ALK: variants seen among roughly 807,000 people sequenced by gnomAD.
ALK encodes the protein ALK tyrosine kinase receptor.
Under a neutral mutation model 163.1 loss-of-function variants are expected in ALK, and 74 were observed. The observed-to-expected ratio is 0.45, with a 90% confidence interval of 0.38 to 0.55. The LOEUF (loss-of-function observed/expected upper bound fraction) is 0.55. Ranked by LOEUF, ALK falls within the 20% of genes least tolerant of loss-of-function variation. The pLI is 0.00. For synonymous variants in ALK, 960 were observed against 843.2 expected (o/e 1.14, Z -2.40); for missense variants, 2,063 against 2,105.3 (o/e 0.98, Z 0.39).
At chr2:29,788,772 A>G (rs532661034) in intron 1 of ALK, among the ~76,000 whole-genome samples, 1 of 152,334 alleles carries the variant, frequency 6.6e-6, no homozygotes, top group South Asian at 2.1e-4. Context: ...GGGCTAAGGA[A>G]CAAGAGCCAA....
At chr2:29,305,977 G>A (rs9309667) in intron 8 of ALK, among the ~76,000 whole-genome samples, 7,311 of 152,100 alleles carry the variant, frequency 0.048, 395 homozygotes, top group African/African-American at 0.12. Context: ...TGGCAGTAAC[G>A]CGAGGGATGG....
intron 9 of ALK, among the ~76,000 whole-genome samples, chr2:29,295,994 C>T (rs775794577): frequency 6.6e-6 from 1 of 152,202 alleles, no homozygotes; most frequent in Non-Finnish European, 1.5e-5. Context: ...ATGAGTGCTG[C>T]CATGCAGGGC....
At chr2:29,711,918 T>C (rs1424917823) in intron 2 of ALK, among the ~76,000 whole-genome samples, 1 of 152,190 alleles carries the variant, frequency 6.6e-6, no homozygotes, top group African/African-American at 2.4e-5. Context: ...TTCTCACCTT[T>C]GTGTCACATG....
chr2:29,369,712 AGT>A (rs1201324985), intron 5 of ALK, among the ~76,000 whole-genome samples: 2 of 152,178 alleles, frequency 1.3e-5, no homozygotes, highest in Non-Finnish European at 2.9e-5. Flanking sequence ...AGATATCCGG[AGT>A]GTGGAGAGGC....
intron 4 of ALK, among the ~76,000 whole-genome samples, chr2:29,505,530 G>T (rs1672295875): frequency 6.6e-6 from 1 of 152,110 alleles, no homozygotes; most frequent in Non-Finnish European, 1.5e-5. Context: ...AGCTTAGGGG[G>T]AGTTCTACGT....
chr2:29,808,473 T>A (rs909975855), intron 1 of ALK, among the ~76,000 whole-genome samples: 1 of 152,162 alleles, frequency 6.6e-6, no homozygotes, highest in African/African-American at 2.4e-5. Context: ...CTGAGGTGCA[T>A]CACATCGTAG....
At chr2:29,617,419 A>T (rs1237501394) in intron 3 of ALK, among the ~76,000 whole-genome samples, 1 of 152,202 alleles carries the variant, frequency 6.6e-6, no homozygotes, top group East Asian at 1.9e-4. Flanking sequence ...GGCCCTCGAC[A>T]AGGGGCAAAC....
chr2:29,208,403 A>G (rs929448208), intron 25 of ALK, among the ~76,000 whole-genome samples: 2 of 152,196 alleles, frequency 1.3e-5, no homozygotes, highest in Admixed American at 6.5e-5. Context: ...GAAAAGTCAG[A>G]TAACAGAGGG....
intron 12 of ALK, among the ~76,000 whole-genome samples, chr2:29,250,735 T>C (rs1664794300): frequency 1.3e-5 from 2 of 152,234 alleles, no homozygotes; most frequent in South Asian, 2.1e-4. Context: ...AGCTTTCAGG[T>C]GCATTGTGCT....
rs186756932 is a variant in ALK at position 29,324,143 on chromosome 2, G to A, written c.1415-3261C>T. ...ATTTCATTGGCTGGATGGCCAAATCGCGCTGTGGGTAGGTCAATCAATCCT... is the reference window on the plus strand; with the variant it reads ...ATTTCATTGGCTGGATGGCCAAATCACGCTGTGGGTAGGTCAATCAATCCT... On this transcript the variant is annotated intron_variant, in intron 6 of 28. Coordinates refer to ENST00000389048, the MANE Select transcript of ALK (RefSeq NM_004304.5). Among the ~76,000 whole-genome samples the A allele has an allele frequency of 5.4e-3, 827 of 152,276 alleles. 6 individuals carry two copies. The highest frequency in any genetic ancestry group is 0.018 in the African/African-American group (759 of 41,542).
intron 4 of ALK, among the ~76,000 whole-genome samples, chr2:29,521,676 T>C (rs920236483): frequency 1.3e-5 from 2 of 152,186 alleles, no homozygotes; most frequent in African/African-American, 4.8e-5. Flanking sequence ...AGGCTGGGCA[T>C]GAATGCAGAG....
At chr2:29,770,618 G>A (rs2148343732) in intron 1 of ALK, among the ~76,000 whole-genome samples, 1 of 152,092 alleles carries the variant, frequency 6.6e-6, no homozygotes, top group East Asian at 1.9e-4. Context: ...TTTAAAAGAA[G>A]ATAAATTACA....
intron 11 of ALK, among the ~76,000 whole-genome samples, chr2:29,259,851 C>T (rs1348557758): frequency 2.0e-5 from 3 of 151,984 alleles, no homozygotes; most frequent in Non-Finnish European, 2.9e-5. Flanking sequence ...TTTTCTTCGT[C>T]AGGTCTTTCA....
chr2:29,744,192 G>T (rs184555158), intron 1 of ALK, among the ~76,000 whole-genome samples: 26 of 152,296 alleles, frequency 1.7e-4, no homozygotes, highest in African/African-American at 6.0e-4. Flanking sequence ...GGCCCCACAG[G>T]AGGAGCTACT....
chr2:29,542,535 T>C (rs1471593685), intron 3 of ALK, among the ~76,000 whole-genome samples: 1 of 152,194 alleles, frequency 6.6e-6, no homozygotes, highest in Non-Finnish European at 1.5e-5. Context: ...GGTTGGTAGC[T>C]TTTCTGGTTA....
chr2:29,236,876 G>A (rs529640909), intron 13 of ALK, among the ~76,000 whole-genome samples: 53 of 152,242 alleles, frequency 3.5e-4, no homozygotes, highest in African/African-American at 1.2e-3. Flanking sequence ...TCCCCAGCCT[G>A]GACCTCTCTC....
Position 29,532,010 on chromosome 2 carries a change from C to T in ALK, c.1059G>A (p.Arg353=), listed in dbSNP as rs771143499. The change falls in exon 4 of 29, where the codon AGG becomes AGA. Residue 353 remains arginine, a synonymous_variant. Transcript: ENST00000389048. The part of the protein sequence containing the change: ...EHCTLAVSVH[R]HLQPSGRYIA... Reference sequence around the variant, plus strand: ...TGTACCTTCCAGAGGGCTGCAGGTGCCTGTGCACCGAGACGGCCAGTGTGC... The same window carrying T: ...TGTACCTTCCAGAGGGCTGCAGGTGTCTGTGCACCGAGACGGCCAGTGTGC... 7.4e-6 allele frequency: 12 copies of T among 1,614,126 alleles called. No homozygotes were observed. The Admixed American group carries it at 1.5e-4, about 20-fold the overall frequency.
intron 1 of ALK, among the ~76,000 whole-genome samples, chr2:29,819,943 T>C (rs1204118362): frequency 6.6e-6 from 1 of 152,186 alleles, no homozygotes; most frequent in Non-Finnish European, 1.5e-5. Context: ...CCCATATTCA[T>C]TTGGCACAAG....
chr2:29,433,963 T>C (rs953070494), intron 4 of ALK, among the ~76,000 whole-genome samples: 1 of 152,196 alleles, frequency 6.6e-6, no homozygotes, highest in African/African-American at 2.4e-5. Flanking sequence ...CTACAAGATA[T>C]TTTAAAACTC....
Sources: allele counts gnomAD v4.1 joint callset (sites outside exome capture counted in the v4.1 genomes callset), GRCh38; gene constraint gnomAD v4.1.1; transcripts MANE v1.5; gene names NCBI Gene and HGNC (gene_info 2026-07-23, HGNC 2026-07-21).